The following TMEM132D variants were observed in gnomAD, a reference collection of about 807,000 sequenced individuals.
TMEM132D encodes the protein transmembrane protein 132D, also known as mature OL transmembrane protein.
A neutral mutation model predicts 62.3 loss-of-function variants in TMEM132D; 21 were observed. The ratio of observed to expected loss-of-function variants is 0.34; its 90% CI spans 0.24 to 0.49. The LOEUF (loss-of-function observed/expected upper bound fraction) is 0.49, where lower values mean the gene tolerates loss of function less well. Ranked by LOEUF, TMEM132D falls within the 20% of genes least tolerant of loss-of-function variation. The probability of loss-of-function intolerance (pLI) is 0.99; values close to 1 mark genes in which losing one functional copy is unlikely to be tolerated. For synonymous variants in TMEM132D, 621 were observed against 575.6 expected (o/e 1.08, Z -1.13); for missense variants, 1,346 against 1,402.8 (o/e 0.96, Z 0.65).
intron 2 of TMEM132D, among the ~76,000 whole-genome samples, chr12:129,547,406 G>T (rs765763867): frequency 6.6e-6 from 1 of 152,078 alleles, no homozygotes; most frequent in Non-Finnish European, 1.5e-5. Flanking sequence ...GCCTGGCCAC[G>T]TGGCTTTCTC....
chr12:129,829,594 TG>T (rs1467276629), intron 1 of TMEM132D, among the ~76,000 whole-genome samples: 1 of 152,132 alleles, frequency 6.6e-6, no homozygotes, highest in African/African-American at 2.4e-5. Flanking sequence ...TCTCCAGACC[TG>T]GGGTAACAGC....
intron 4 of TMEM132D, among the ~76,000 whole-genome samples, chr12:129,222,580 G>A (rs956432253): frequency 6.6e-6 from 1 of 151,948 alleles, no homozygotes; most frequent in Non-Finnish European, 1.5e-5. Flanking sequence ...CCTTTCTCAG[G>A]CAATATGATC....
At chr12:129,586,657 C>G (rs940960968) in intron 2 of TMEM132D, among the ~76,000 whole-genome samples, 2 of 152,186 alleles carry the variant, frequency 1.3e-5, no homozygotes, top group Non-Finnish European at 2.9e-5. Context: ...ACCCTCATAA[C>G]CCATCTCCCA....
intron 3 of TMEM132D, among the ~76,000 whole-genome samples, chr12:129,504,887 T>C (rs892185801): frequency 1.3e-5 from 2 of 152,204 alleles, no homozygotes; most frequent in African/African-American, 4.8e-5. Context: ...CTTTGCTGTA[T>C]CCCACAGGTT....
intron 2 of TMEM132D, among the ~76,000 whole-genome samples, chr12:129,539,148 A>G (rs903241296): frequency 1.3e-5 from 2 of 152,128 alleles, no homozygotes; most frequent in Admixed American, 6.5e-5. Context: ...TTCATGTCCC[A>G]GGAAGGATGG....
intron 4 of TMEM132D, among the ~76,000 whole-genome samples, chr12:129,287,534 T>C (rs1256976192): frequency 6.6e-6 from 1 of 152,220 alleles, no homozygotes; most frequent in Non-Finnish European, 1.5e-5. Context: ...TTATAATTAT[T>C]TTAATTACTT....
intron 5 of TMEM132D, among the ~76,000 whole-genome samples, chr12:129,179,601 A>G (rs944641824): frequency 5.9e-5 from 9 of 152,240 alleles, no homozygotes; most frequent in African/African-American, 1.7e-4. Context: ...ATGAACTCAC[A>G]ACGAACCACA....
At chr12:129,818,548 G>T (rs1051061300) in intron 1 of TMEM132D, among the ~76,000 whole-genome samples, 23 of 149,560 alleles carry the variant, frequency 1.5e-4, no homozygotes, top group Middle Eastern at 3.6e-3. Context: ...GCATATATGT[G>T]TGTGGTGAGG....
intron 3 of TMEM132D, among the ~76,000 whole-genome samples, chr12:129,447,069 C>G (rs985905935): frequency 6.6e-6 from 1 of 152,184 alleles, no homozygotes; most frequent in Admixed American, 6.5e-5. Context: ...AGAACCTGCC[C>G]TTCACCAGCC....
chr12:129,575,482 C>G (rs182070648), intron 2 of TMEM132D, among the ~76,000 whole-genome samples: 1 of 151,892 alleles, frequency 6.6e-6, no homozygotes, highest in East Asian at 1.9e-4. Flanking sequence ...GAAGTGATTA[C>G]CGGGGCCGGT....
At chr12:129,849,346 C>T (rs1873461039) in intron 1 of TMEM132D, among the ~76,000 whole-genome samples, 1 of 151,968 alleles carries the variant, frequency 6.6e-6, no homozygotes, top group South Asian at 2.1e-4. Flanking sequence ...AAAATACAAG[C>T]ATAAACCATA....
intron 5 of TMEM132D, among the ~76,000 whole-genome samples, chr12:129,157,802 T>G (rs1215746454): frequency 1.3e-5 from 2 of 152,220 alleles, no homozygotes; most frequent in Non-Finnish European, 2.9e-5. Context: ...TCTTTCAAAT[T>G]TATGACATAT....
At position 129,867,283 on chromosome 12, in the gene TMEM132D, A is replaced by T. The variant is rs1181934953; in HGVS notation, c.79+35978T>A. Among the ~76,000 whole-genome samples the T allele has an allele frequency of 1.3e-5, 2 of 152,036 alleles. No individual in the cohort carries two copies. Among genetic ancestry groups the T allele is most frequent in the Non-Finnish European group, 2.9e-5 (2 of 68,010 alleles). On this transcript the variant is annotated intron_variant, in intron 1 of 8. Transcript: ENST00000422113. This position sits in a 1 kb window ranked among gnomAD's most constrained non-coding sequence, Gnocchi z 4.5. Reference sequence around the variant, plus strand: ...TCAAAAAAAGAAAAAGAAAGAAAGAAATCCTGCCATTTGCAACAATATATA... The same window carrying T: ...TCAAAAAAAGAAAAAGAAAGAAAGATATCCTGCCATTTGCAACAATATATA...
At chr12:129,325,294 A>T (rs1329656859) in intron 4 of TMEM132D, among the ~76,000 whole-genome samples, 2 of 152,202 alleles carry the variant, frequency 1.3e-5, no homozygotes, top group African/African-American at 4.8e-5. Context: ...AATACCATGG[A>T]GAAAAGGTAA....
intron 2 of TMEM132D, among the ~76,000 whole-genome samples, chr12:129,661,569 T>C (rs113723115): frequency 2.6e-5 from 4 of 152,218 alleles, no homozygotes; most frequent in African/African-American, 9.6e-5. Context: ...ATCTAAACAA[T>C]GGAAGGGTGA....
At chr12:129,593,329 CAG>C (rs570023749) in intron 2 of TMEM132D, among the ~76,000 whole-genome samples, 127 of 152,212 alleles carry the variant, frequency 8.3e-4, no homozygotes, top group African/African-American at 2.9e-3. Flanking sequence ...CTCAAGGAAA[CAG>C]AAGATAAAAA....
intron 1 of TMEM132D, among the ~76,000 whole-genome samples, chr12:129,717,455 A>C (rs983166296): frequency 2.0e-5 from 3 of 151,366 alleles, no homozygotes; most frequent in Non-Finnish European, 2.9e-5. Flanking sequence ...GCAATTTAAA[A>C]ATTAGAAATT....
intron 2 of TMEM132D, among the ~76,000 whole-genome samples, chr12:129,647,054 C>G (rs1468835289): frequency 6.6e-6 from 1 of 151,692 alleles, no homozygotes; most frequent in Admixed American, 6.6e-5. Context: ...CCTGCCTCGG[C>G]CTCCCAAAGT....
chr12:129,114,616 C>A (rs1480836913), intron 5 of TMEM132D, among the ~76,000 whole-genome samples: 3 of 152,172 alleles, frequency 2.0e-5, no homozygotes, highest in Non-Finnish European at 2.9e-5. Flanking sequence ...CATGCAGACC[C>A]ACTTCAACAA....
Sources: allele counts gnomAD v4.1 joint callset (sites outside exome capture counted in the v4.1 genomes callset), GRCh38; gene constraint gnomAD v4.1.1; non-coding constraint Gnocchi (gnomAD v3.1); transcripts MANE v1.5; gene names NCBI Gene and HGNC (gene_info 2026-07-23, HGNC 2026-07-21).